The following CACNA2D1 variants were observed in gnomAD, a reference collection of about 807,000 sequenced individuals.
CACNA2D1 encodes the protein voltage-dependent calcium channel subunit alpha-2/delta-1.
Under a neutral mutation model 171.5 loss-of-function variants are expected in CACNA2D1, and 53 were observed. The ratio of observed to expected loss-of-function variants is 0.31; its 90% CI spans 0.25 to 0.39. The LOEUF (loss-of-function observed/expected upper bound fraction) is 0.39, where lower values mean the gene tolerates loss of function less well. Ranked by LOEUF, CACNA2D1 falls within the 10% of genes least tolerant of loss-of-function variation. CACNA2D1 has a pLI of 1.00. For missense variants in CACNA2D1, 903 were observed against 1,299.8 expected (o/e 0.69, Z 4.69); for synonymous variants, 442 against 443.1 (o/e 1.00, Z 0.03).
chr7:82,083,705 T>G (rs894391640), intron 7 of CACNA2D1, among the ~76,000 whole-genome samples: 1 of 152,158 alleles, frequency 6.6e-6, no homozygotes. Context: ...TATTACTGAT[T>G]TTACCATCTG....
chr7:82,198,940 G>T (rs142648259), intron 3 of CACNA2D1, among the ~76,000 whole-genome samples: 1,766 of 152,052 alleles, frequency 0.012, 14 homozygotes, highest in Non-Finnish European at 0.017. Context: ...CCATATTGGG[G>T]TTATAATTGT....
chr7:82,297,072 CAAA>C lies in CACNA2D1; in HGVS notation c.294+38060_294+38062del, dbSNP rs57473351. On this transcript the variant is annotated intron_variant, in intron 3 of 38. Transcript: ENST00000356860. ...AAACATAGTGAGGCTCTGTGTCTAC[CAAA>C]AAAAAAAAAAAAAAAAAAAAAATTA... 3.2e-4 allele frequency among the ~76,000 whole-genome samples: 23 copies of C among 72,238 alleles called. 1 individual carries two copies. The South Asian group carries it at 4.4e-3, about 14-fold the overall frequency. 47.4% of individuals were successfully genotyped at this position (72,238 alleles called of 152,430 possible).
chr7:82,162,782 C>T (rs983124981), intron 4 of CACNA2D1, among the ~76,000 whole-genome samples: 1 of 151,934 alleles, frequency 6.6e-6, no homozygotes, highest in Non-Finnish European at 1.5e-5. Context: ...TATTATCTCT[C>T]CATTGAAACC....
intron 3 of CACNA2D1, among the ~76,000 whole-genome samples, chr7:82,250,035 G>A (rs1167447893): frequency 6.6e-6 from 1 of 152,264 alleles, no homozygotes; most frequent in Non-Finnish European, 1.5e-5. Flanking sequence ...ACCAGCGAGG[G>A]TCTTCCCATG....
intron 3 of CACNA2D1, among the ~76,000 whole-genome samples, chr7:82,172,517 A>G (rs1309875445): frequency 1.3e-5 from 2 of 151,680 alleles, no homozygotes; most frequent in Non-Finnish European, 2.9e-5. Context: ...CAGTGGTGCA[A>G]TCATAGCTCC....
At position 82,091,675 on chromosome 7, in the gene CACNA2D1, G is replaced by A. The variant is rs140898073; in HGVS notation, c.527-6775C>T. On this transcript the variant is annotated intron_variant, in intron 6 of 38. Coordinates refer to ENST00000356860, the MANE Select transcript of CACNA2D1 (RefSeq NM_000722.4). Reference sequence around the variant, plus strand: ...AATTGTAAGATTTGAGGAGGGAGAAGGGCTGTATTTTGTATAAGAAACCTC... The same window carrying A: ...AATTGTAAGATTTGAGGAGGGAGAAAGGCTGTATTTTGTATAAGAAACCTC... 2.0e-3 allele frequency among the ~76,000 whole-genome samples: 298 copies of A among 152,248 alleles called. 4 individuals are homozygous for A. Among genetic ancestry groups the A allele is most frequent in the South Asian group, 4.1e-3 (20 of 4,824 alleles).
At chr7:82,405,898 T>A (rs1438438231) in intron 1 of CACNA2D1, among the ~76,000 whole-genome samples, 5 of 152,160 alleles carry the variant, frequency 3.3e-5, no homozygotes, top group South Asian at 2.1e-4. Flanking sequence ...AAATCTTTTT[T>A]TATATATATA....
chr7:82,433,146 C>T (rs965760409), intron 1 of CACNA2D1, among the ~76,000 whole-genome samples: 7 of 151,852 alleles, frequency 4.6e-5, no homozygotes, highest in African/African-American at 1.7e-4. Context: ...TGAGATCACA[C>T]CACTGCACTC....
At chr7:82,357,579 G>A (rs1325408653) in intron 1 of CACNA2D1, among the ~76,000 whole-genome samples, 1 of 151,982 alleles carries the variant, frequency 6.6e-6, no homozygotes, top group Non-Finnish European at 1.5e-5. Flanking sequence ...AAACAGATTT[G>A]TAAGAAAAGA....
chr7:82,170,359 A>T (rs1435373931), intron 4 of CACNA2D1, among the ~76,000 whole-genome samples, 191 bp downstream of exon 4: 2 of 151,880 alleles, frequency 1.3e-5, no homozygotes, highest in Admixed American at 6.6e-5. Flanking sequence ...ATGGAACATA[A>T]AGTACATTTT....
chr7:82,273,333 T>C (rs985991935), intron 3 of CACNA2D1, among the ~76,000 whole-genome samples: 15 of 152,028 alleles, frequency 9.9e-5, no homozygotes, highest in African/African-American at 3.4e-4. Flanking sequence ...TAAAAATGTT[T>C]ACAGGATTGA....
intron 6 of CACNA2D1, among the ~76,000 whole-genome samples, chr7:82,086,572 CATGA>C (rs1810508133): frequency 6.6e-6 from 1 of 152,114 alleles, no homozygotes; most frequent in African/African-American, 2.4e-5. Context: ...ACCCACTATT[CATGA>C]ATATTTATAT....
At chr7:82,384,654 A>G (rs2129449781) in intron 1 of CACNA2D1, among the ~76,000 whole-genome samples, 1 of 151,612 alleles carries the variant, frequency 6.6e-6, no homozygotes, top group African/African-American at 2.4e-5. Flanking sequence ...AGGAAAAAAG[A>G]AAAAACTTTT....
At chr7:82,365,912 TC>T (rs1371807951) in intron 1 of CACNA2D1, among the ~76,000 whole-genome samples, 1 of 152,214 alleles carries the variant, frequency 6.6e-6, no homozygotes, top group African/African-American at 2.4e-5. Context: ...TATTGGGTAC[TC>T]AAGCTACTAC....
chr7:82,296,267 A>T (rs999331816), intron 3 of CACNA2D1, among the ~76,000 whole-genome samples: 29 of 133,812 alleles, frequency 2.2e-4, no homozygotes, highest in East Asian at 6.0e-4. Context: ...AATAATAATT[A>T]AAAAAAAAAA....
chr7:82,208,051 C>A lies in CACNA2D1; in HGVS notation c.295-37442G>T, dbSNP rs553969623. ...CTTGCTGTGAACTTGTGCCATATAC[C>A]TTAAGGGTGAGAAAAGGTGGCTGTC... On this transcript the variant is annotated intron_variant, in intron 3 of 38. Coordinates refer to ENST00000356860, the MANE Select transcript of CACNA2D1 (RefSeq NM_000722.4). 2.0e-5 allele frequency among the ~76,000 whole-genome samples: 3 copies of A among 152,100 alleles called. No homozygotes were observed. In the South Asian group the frequency reaches 6.2e-4, roughly 32 times the overall value.
Position 81,947,323 on chromosome 7 carries a change from TTTTTG to T in CACNA2D1, c.*3064_*3068del, listed in dbSNP as rs778130955. 8 of 151,524 alleles carry T rather than the reference TTTTTG, an allele frequency of 5.3e-5. No individual in the cohort carries two copies. Among genetic ancestry groups the T allele is most frequent in the Non-Finnish European group, 7.4e-5 (5 of 67,780 alleles). The allele number at this position is 151,524 out of a possible 1,614,324, so 9.4% of individuals were successfully genotyped here. On this transcript the variant is annotated 3_prime_UTR_variant, in exon 39 of 39. Coordinates refer to ENST00000356860, the MANE Select transcript of CACNA2D1 (RefSeq NM_000722.4). Reference sequence around the variant, plus strand: ...AACTTACAAATGGCAGGAACACTGTTTTTTGTTTTTTTTTTTCCCAAGTTAAGCAG... The same window carrying T: ...AACTTACAAATGGCAGGAACACTGTTTTTTTTTTTTTCCCAAGTTAAGCAG...
At chr7:82,321,770 G>A (rs1289668674) in intron 3 of CACNA2D1, among the ~76,000 whole-genome samples, 1 of 152,108 alleles carries the variant, frequency 6.6e-6, no homozygotes, top group Non-Finnish European at 1.5e-5. Flanking sequence ...GTACACAGGA[G>A]AGAGAAAAGA....
chr7:81,960,612 T>G (rs1206086559), intron 36 of CACNA2D1, among the ~76,000 whole-genome samples: 1 of 152,086 alleles, frequency 6.6e-6, no homozygotes, highest in Non-Finnish European at 1.5e-5. Flanking sequence ...AAAGTGGGAT[T>G]TTCTTTTTGC....
Sources: gnomAD v4.1 joint callset for allele counts (sites outside exome capture counted in the v4.1 genomes callset) on GRCh38, gnomAD v4.1.1 for gene constraint, MANE v1.5 for transcripts, NCBI Gene and HGNC (gene_info 2026-07-23, HGNC 2026-07-21) for gene names.